The following PHF20L1 variants were observed in gnomAD, a reference collection of about 807,000 sequenced individuals.
The protein encoded by PHF20L1 is PHD finger protein 20-like protein 1.
In PHF20L1, 44 loss-of-function variants were observed where a neutral mutation model predicts 125.5. The observed-to-expected ratio is 0.35, with a 90% CI of 0.28 to 0.45. The LOEUF (loss-of-function observed/expected upper bound fraction) is 0.45. Ranked by LOEUF, PHF20L1 falls within the 20% of genes least tolerant of loss-of-function variation. The probability of loss-of-function intolerance (pLI) is 1.00; values close to 1 mark genes in which losing one functional copy is unlikely to be tolerated. For synonymous variants in PHF20L1, 380 were observed against 403.1 expected, an observed-to-expected ratio of 0.94 and a Z score of 0.69; for missense variants, 1,012 against 1,217.2, an observed-to-expected ratio of 0.83 and a Z score of 2.51.
chr8:132,821,872 T>G (rs916884371), intron 12 of PHF20L1, among the ~76,000 whole-genome samples: 2 of 151,958 alleles, frequency 1.3e-5, no homozygotes, highest in African/African-American at 4.8e-5. Flanking sequence ...AAAATTTAGT[T>G]TAAAAATTAC....
intron 15 of PHF20L1, among the ~76,000 whole-genome samples, chr8:132,834,677 T>G (rs542184276): frequency 2.0e-5 from 3 of 152,146 alleles, no homozygotes; most frequent in Non-Finnish European, 4.4e-5. Context: ...TGAAACTGTT[T>G]TACCCACATT....
In PHF20L1 at chr8:132,794,463, A is replaced by C; in HGVS notation, c.137A>C (p.His46Pro). The change falls in exon 3 of 21, where the codon CAT (histidine) becomes CCT (proline). Residue 46 changes from histidine (H) to proline (P), a missense_variant. Physicochemically the swap from His to Pro is moderately conservative, Grantham distance 77. This residue lies in a region of PHF20L1 where 94 missense variants were observed against 179.5 expected (regional missense o/e 0.52). Transcript: ENST00000395386. ...IDYEEGKMLV[H>P]FERWSHRYDE... ...TATGAGGAGGGCAAGATGTTGGTCCATTTTGAGCGCTGGAGTCATCGTTAT... is the reference window on the plus strand; with the variant it reads ...TATGAGGAGGGCAAGATGTTGGTCCCTTTTGAGCGCTGGAGTCATCGTTAT... The C allele has an allele frequency of 6.2e-7, 1 of 1,612,542 alleles. No homozygotes were observed. Among genetic ancestry groups the C allele is most frequent in the Non-Finnish European group, 8.5e-7 (1 of 1,178,602 alleles).
intron 2 of PHF20L1, among the ~76,000 whole-genome samples, chr8:132,785,723 T>G (rs1830942048): frequency 6.6e-6 from 1 of 152,074 alleles, no homozygotes; most frequent in African/African-American, 2.4e-5. Context: ...TACCTCAACT[T>G]TGAGAGGATT....
rs374271427 is a variant in PHF20L1 at position 132,825,314 on chromosome 8, C to T, written c.1687C>T (p.His563Tyr). 1.5e-5 allele frequency: 23 copies of T among 1,499,808 alleles called. No homozygotes were observed. The highest frequency in any genetic ancestry group is 2.1e-5 in the Non-Finnish European group (23 of 1,084,714). The allele number at this position is 1,499,808 out of a possible 1,614,324, so 92.9% of individuals were successfully genotyped here. A position where few individuals can be genotyped will look rare whatever the true frequency, so the allele number is the denominator to read the frequency against. Residue 563 changes from histidine (H) to tyrosine (Y), a missense_variant, in exon 14 of 21, where the codon CAC becomes TAC. Transcript: ENST00000395386. ...AAGAAGAGAGAAGAGAGACAAAGAT[C>T]ACTACAGACCAAAACAGAAGAAGAA... ...KERREKRDKD[H>Y]YRPKQKKKKK...
At chr8:132,797,133 C>T (rs1475350869) in intron 4 of PHF20L1, among the ~76,000 whole-genome samples, 2 of 151,942 alleles carry the variant, frequency 1.3e-5, no homozygotes, top group East Asian at 1.9e-4. Context: ...TTTCAGTGAA[C>T]ACATAGTGAA....
At position 132,829,625 on chromosome 8, in the gene PHF20L1, T is replaced by G. The variant is rs545232925; in HGVS notation, c.1745-2610T>G. Among the ~76,000 whole-genome samples the G allele has an allele frequency of 1.1e-4, 17 of 152,150 alleles. 1 individual carries two copies. Among genetic ancestry groups the G allele is most frequent in the Admixed American group, 3.9e-4 (6 of 15,268 alleles). On this transcript the variant is annotated intron_variant, in intron 14 of 20. Transcript: ENST00000395386. ...TCATCTGGGAGTGTTTCATTCCCAG[T>G]GCACTGGAGATGAGGCCCAGGAATC...
At chr8:132,835,965 A>G (rs1837310233) in intron 15 of PHF20L1, among the ~76,000 whole-genome samples, 1 of 152,114 alleles carries the variant, frequency 6.6e-6, no homozygotes, top group Admixed American at 6.5e-5. Context: ...TTATAGTATG[A>G]ATAATAAAAC....
At chr8:132,782,863 G>A (rs1465087075) in intron 2 of PHF20L1, among the ~76,000 whole-genome samples, 1 of 150,306 alleles carries the variant, frequency 6.7e-6, no homozygotes, top group Non-Finnish European at 1.5e-5. Flanking sequence ...CATCTGTCTT[G>A]TTCTTCCAAA....
At chr8:132,816,768 ATATCT>A in intron 10 of PHF20L1, 115 bp from the exon 11 acceptor site, 2 of 694,400 alleles carry the variant, frequency 2.9e-6, no homozygotes, top group Non-Finnish European at 4.8e-6. Flanking sequence ...TTCCTTGTGG[ATATCT>A]TATAACAACA....
chr8:132,816,967 A>T lies in PHF20L1; in HGVS notation c.1263A>T (p.Leu421Phe). 1 of 1,611,626 alleles carries T rather than the reference A, an allele frequency of 6.2e-7. No homozygotes were observed. Among genetic ancestry groups the T allele is most frequent in the Non-Finnish European group, 8.5e-7 (1 of 1,178,400 alleles). Residue 421 changes from leucine (L) to phenylalanine (F), a missense_variant, in exon 11 of 21, where the codon TTA (leucine) becomes TTT (phenylalanine). Leu to Phe is a conservative substitution (Grantham distance 22). Coordinates refer to ENST00000395386, the MANE Select transcript of PHF20L1 (RefSeq NM_016018.5). ...RRRRSQRLATLPMPDDSVEKV... is the reference protein window; with the variant it reads ...RRRRSQRLATFPMPDDSVEKV... Reference sequence around the variant, plus strand: ...GAAGATCTCAGCGTTTAGCCACCTTACCCATGCCTGATGATTCTGTAGAAA... The same window carrying T: ...GAAGATCTCAGCGTTTAGCCACCTTTCCCATGCCTGATGATTCTGTAGAAA...
chr8:132,776,432 C>T (rs957666300), intron 1 of PHF20L1, among the ~76,000 whole-genome samples: 1 of 152,216 alleles, frequency 6.6e-6, no homozygotes, highest in African/African-American at 2.4e-5. Context: ...GTGTTGCGCA[C>T]TGACAAGACC....
At chr8:132,784,031 CTTCT>C (rs989646050) in intron 2 of PHF20L1, among the ~76,000 whole-genome samples, 2 of 152,106 alleles carry the variant, frequency 1.3e-5, no homozygotes, top group African/African-American at 4.8e-5. Context: ...AAACATTTTA[CTTCT>C]TTAACTTTTA....
chr8:132,786,059 T>G (rs1044843984), intron 2 of PHF20L1, among the ~76,000 whole-genome samples: 1 of 152,126 alleles, frequency 6.6e-6, no homozygotes, highest in African/African-American at 2.4e-5. Context: ...GCAAATACAT[T>G]GTGACTTTTG....
chr8:132,803,767 A>G (rs1376355568), intron 6 of PHF20L1, 52 bp from the exon 7 acceptor site: 1 of 946,160 alleles, frequency 1.1e-6, no homozygotes, highest in South Asian at 1.5e-5. Context: ...TAGTGTAATT[A>G]CATTTTAATT....
At chr8:132,798,706 A>G in intron 4 of PHF20L1, 66 bp from the exon 5 acceptor site, 1 of 996,340 alleles carries the variant, frequency 1.0e-6, no homozygotes, top group Non-Finnish European at 1.5e-6. Context: ...ACTACTTGTT[A>G]GATTTCAAGT....
intron 14 of PHF20L1, among the ~76,000 whole-genome samples, chr8:132,831,139 C>T (rs1013205219): frequency 6.6e-6 from 1 of 151,970 alleles, no homozygotes; most frequent in African/African-American, 2.4e-5. Flanking sequence ...CTAGAGTGAT[C>T]CTCTGGAAAT....
At chr8:132,812,033 G>T in intron 9 of PHF20L1, 1 of 983,614 alleles carries the variant, frequency 1.0e-6, no homozygotes, top group Non-Finnish European at 1.2e-6. Context: ...ATAACAATGC[G>T]TTGTTTTGGT....
intron 6 of PHF20L1, 124 bp downstream of exon 6, chr8:132,799,296 A>G: frequency 1.7e-6 from 1 of 585,012 alleles, no homozygotes; most frequent in Non-Finnish European, 3.0e-6. Flanking sequence ...CCTTCTACAA[A>G]TCATAGTCAT....
At chr8:132,790,916 C>G (rs1388273957) in intron 2 of PHF20L1, among the ~76,000 whole-genome samples, 4 of 152,026 alleles carry the variant, frequency 2.6e-5, no homozygotes, top group Non-Finnish European at 5.9e-5. Flanking sequence ...TATACACTTA[C>G]CAGTTTTACT....
Sources: allele counts gnomAD v4.1 joint callset (sites outside exome capture counted in the v4.1 genomes callset), GRCh38; gene constraint gnomAD v4.1.1; regional missense constraint gnomAD v4.1.1; transcripts MANE v1.5; gene names NCBI Gene and HGNC (gene_info 2026-07-23, HGNC 2026-07-21).